The following DNM1L variants were observed in gnomAD, a reference collection of about 807,000 sequenced individuals.
DNM1L encodes the protein dynamin 1L.
A neutral mutation model predicts 92.8 loss-of-function variants in DNM1L; 33 were observed. The observed-to-expected ratio is 0.36, with a 90% CI of 0.27 to 0.48. The LOEUF (loss-of-function observed/expected upper bound fraction) is 0.48, where lower values mean the gene tolerates loss of function less well. Ranked by LOEUF, DNM1L falls within the 20% of genes least tolerant of loss-of-function variation. DNM1L has a pLI of 0.99. For synonymous variants in DNM1L, 284 were observed against 305.0 expected (o/e 0.93, Z 0.72); for missense variants, 485 against 888.8 (o/e 0.55, Z 5.78).
In DNM1L at chr12:32,733,786, G is replaced by A. The variant is rs1954709871; in HGVS notation, c.1518G>A (p.Gly506=). 6.2e-7 allele frequency: 1 copy of A among 1,613,688 alleles called. No homozygotes were observed. The highest frequency in any genetic ancestry group is 1.1e-5 in the South Asian group (1 of 91,070). ...ATCCAGACTTTGCTGATGCTTGTGG[G>A]CTAATGAACAATAATATAGAGGTAA... ...TKHPDFADAC[G]LMNNNIEEQR... Residue 506 remains glycine, a synonymous_variant, in exon 13 of 20, where the codon GGG becomes GGA. Coordinates refer to ENST00000549701, the MANE Select transcript of DNM1L (RefSeq NM_012062.5).
chr12:32,711,131 C>A (rs1405164641), intron 5 of DNM1L, 116 bp downstream of exon 5: 3 of 882,872 alleles, frequency 3.4e-6, no homozygotes, highest in African/African-American at 3.3e-5. Context: ...CATTTGATAA[C>A]GTTGAGCCCT....
At chr12:32,686,306 C>T (rs1952011417) in intron 1 of DNM1L, among the ~76,000 whole-genome samples, 1 of 152,258 alleles carries the variant, frequency 6.6e-6, no homozygotes, top group East Asian at 1.9e-4. Flanking sequence ...CTCGACCTCC[C>T]AAAGTGCTGG....
In DNM1L at chr12:32,739,969, TG is replaced by T. The variant is rs1955170549; in HGVS notation, c.1708-93del. On this transcript the variant is annotated intron_variant, in intron 16 of 19. Transcript: ENST00000549701. ...GTCTGAATAAACTTCAGATGGGTAC[TG>T]GATGTATATTGACTACTGTCAAATA... 20 of 1,504,898 alleles carry T rather than the reference TG, an allele frequency of 1.3e-5. No individual in the cohort carries two copies. The South Asian group carries it at 2.2e-4, about 17-fold the overall frequency. The allele number at this position is 1,504,898 out of a possible 1,614,324, so 93.2% of individuals were successfully genotyped here.
Position 32,732,742 on chromosome 12 carries a change from G to T in DNM1L, c.1446+799G>T, listed in dbSNP as rs1592667020. 6 of 357,948 alleles carry T rather than the reference G, an allele frequency of 1.7e-5. 1 individual carries two copies. The highest frequency in any genetic ancestry group is 1.3e-4 in the South Asian group (6 of 45,224). 22.2% of individuals were successfully genotyped at this position (357,948 alleles called of 1,614,324 possible). On this transcript the variant is annotated intron_variant, in intron 12 of 19. Coordinates refer to ENST00000549701, the MANE Select transcript of DNM1L (RefSeq NM_012062.5). Reference sequence around the variant, plus strand: ...TTTTTACCCAGTTCTGGACTGATAAGTGCTGTTCTGATACCTGAGATTTGT... The same window carrying T: ...TTTTTACCCAGTTCTGGACTGATAATTGCTGTTCTGATACCTGAGATTTGT...
intron 1 of DNM1L, among the ~76,000 whole-genome samples, chr12:32,683,285 A>G (rs1292515804): frequency 6.6e-6 from 1 of 150,946 alleles, no homozygotes; most frequent in Non-Finnish European, 1.5e-5. Flanking sequence ...GTGCAGTGGC[A>G]TAATCCATAG....
intron 18 of DNM1L, among the ~76,000 whole-genome samples, chr12:32,741,630 A>G (rs1392834304): frequency 6.6e-6 from 1 of 152,226 alleles, no homozygotes; most frequent in Non-Finnish European, 1.5e-5. Context: ...ATGAATCAGT[A>G]TAGTCACGCA....
intron 1 of DNM1L, among the ~76,000 whole-genome samples, chr12:32,686,624 G>T (rs1329408213): frequency 6.6e-6 from 1 of 152,178 alleles, no homozygotes; most frequent in African/African-American, 2.4e-5. Context: ...AAGTATTTGA[G>T]TACCTGTTAT....
chr12:32,741,668 C>T (rs1370239094), intron 18 of DNM1L, among the ~76,000 whole-genome samples: 1 of 152,148 alleles, frequency 6.6e-6, no homozygotes, highest in Non-Finnish European at 1.5e-5. Context: ...CAACAGACCA[C>T]GTATTTGAAT....
chr12:32,703,629 A>AG (rs1236907367), intron 2 of DNM1L, among the ~76,000 whole-genome samples: 3 of 151,864 alleles, frequency 2.0e-5, no homozygotes, highest in Admixed American at 6.6e-5. Flanking sequence ...AAAAAAAAAA[A>AG]AAAGAAATCA....
At chr12:32,718,831 A>G in intron 7 of DNM1L, 68 bp downstream of exon 7, 3 of 1,595,624 alleles carry the variant, frequency 1.9e-6, no homozygotes, top group South Asian at 2.2e-5. Context: ...TTCTCACTTC[A>G]GAGCAAGTCT....
intron 4 of DNM1L, among the ~76,000 whole-genome samples, chr12:32,709,775 A>G (rs1424899042): frequency 6.6e-6 from 1 of 152,234 alleles, no homozygotes; most frequent in Non-Finnish European, 1.5e-5. Flanking sequence ...GGGGAATGCC[A>G]TGGCAATAAA....
intron 9 of DNM1L, 128 bp from the exon 10 acceptor site, chr12:32,730,886 G>C: frequency 7.4e-7 from 1 of 1,345,512 alleles, no homozygotes. Flanking sequence ...TAATGGGAAT[G>C]AATGAAATTG....
chr12:32,740,117 C>T lies in DNM1L; in HGVS notation c.1761C>T (p.Gly587=). 6.2e-7 allele frequency: 1 copy of T among 1,614,056 alleles called. No homozygotes were observed. Among genetic ancestry groups the T allele is most frequent in the Non-Finnish European group, 8.5e-7 (1 of 1,180,014 alleles). Residue 587 remains glycine, a synonymous_variant, in exon 17 of 20, where the codon GGC becomes GGT. Coordinates refer to ENST00000549701, the MANE Select transcript of DNM1L (RefSeq NM_012062.5). ...VGDGVQEPTT[G]NWRGMLKTSK... is the part of the protein sequence containing the mutation. Reference sequence around the variant, plus strand: ...ATGGTGTTCAAGAACCAACCACAGGCAACTGGAGAGGAATGCTGAAAACTT... The same window carrying T: ...ATGGTGTTCAAGAACCAACCACAGGTAACTGGAGAGGAATGCTGAAAACTT...
At chr12:32,732,006 C>A in intron 12 of DNM1L, 63 bp downstream of exon 12, 1 of 1,276,634 alleles carries the variant, frequency 7.8e-7, no homozygotes, top group Non-Finnish European at 1.1e-6. Context: ...TTTTGCTTGG[C>A]TGCTTTTTAA....
chr12:32,739,642 T>G (rs966280508), intron 16 of DNM1L, among the ~76,000 whole-genome samples: 1 of 152,244 alleles, frequency 6.6e-6, no homozygotes, highest in South Asian at 2.1e-4. Context: ...ATGGAACTTT[T>G]AGAGTTTAAC....
intron 1 of DNM1L, among the ~76,000 whole-genome samples, chr12:32,697,790 G>C (rs1194432645): frequency 6.6e-6 from 1 of 151,604 alleles, no homozygotes; most frequent in African/African-American, 2.4e-5. Flanking sequence ...ATCCCAGGAA[G>C]AAGAAATTAG....
chr12:32,695,053 A>G (rs1485475914), intron 1 of DNM1L, among the ~76,000 whole-genome samples: 2 of 152,152 alleles, frequency 1.3e-5, no homozygotes, highest in Non-Finnish European at 2.9e-5. Context: ...GGAACCGAGG[A>G]TACAATTGAG....
intron 18 of DNM1L, among the ~76,000 whole-genome samples, chr12:32,741,367 C>A (rs1485048274): frequency 6.6e-6 from 1 of 152,178 alleles, no homozygotes; most frequent in Non-Finnish European, 1.5e-5. Context: ...CCCACTTCAA[C>A]CTCTGCCTTC....
At position 32,745,306 on chromosome 12, in the gene DNM1L, T is replaced by G; in HGVS notation, c.*1896T>G. ...GGGGAAAAAAAACAAAAACAAAAACTTACGATGCACTTTTCTCCAGCACAT... is the reference window on the plus strand; with the variant it reads ...GGGGAAAAAAAACAAAAACAAAAACGTACGATGCACTTTTCTCCAGCACAT... On this transcript the variant is annotated 3_prime_UTR_variant, in exon 20 of 20. Transcript: ENST00000549701. 4.4e-6 allele frequency: 1 copy of G among 226,124 alleles called. No homozygotes were observed. The highest frequency in any genetic ancestry group is 8.7e-6 in the Non-Finnish European group (1 of 115,518). The allele number at this position is 226,124 out of a possible 1,614,324, so 14.0% of individuals were successfully genotyped here. A position where few individuals can be genotyped will look rare whatever the true frequency, so the allele number is the denominator to read the frequency against.
Sources: allele counts gnomAD v4.1 joint callset (sites outside exome capture counted in the v4.1 genomes callset), GRCh38; gene constraint gnomAD v4.1.1; transcripts MANE v1.5; gene names NCBI Gene and HGNC (gene_info 2026-07-23, HGNC 2026-07-21).